The following CFHR1 variants were observed in gnomAD, a reference collection of about 807,000 sequenced individuals.
The protein encoded by CFHR1 is complement factor H-related protein 1.
Under a neutral mutation model 30.4 loss-of-function variants are expected in CFHR1, and 22 were observed. The ratio of observed to expected loss-of-function variants is 0.72; its 90% CI spans 0.52 to 1.03. CFHR1 has a LOEUF of 1.03. CFHR1 is among the 50% of genes least tolerant of loss of function. The probability of loss-of-function intolerance (pLI) is 0.00; values close to 1 mark genes in which losing one functional copy is unlikely to be tolerated. For synonymous variants in CFHR1, 95 were observed against 129.1 expected (o/e 0.74, Z 1.79); for missense variants, 248 against 380.6 (o/e 0.65, Z 2.90).
At position 196,830,414 on chromosome 1, in the gene CFHR1, A is replaced by C. The variant is rs760329384; in HGVS notation, c.608-86A>C. The C allele has an allele frequency of 7.0e-5, 94 of 1,349,204 alleles. 12 individuals are homozygous for C. The highest frequency in any genetic ancestry group is 7.2e-5 in the Non-Finnish European group (70 of 972,842). 83.6% of individuals were successfully genotyped at this position (1,349,204 alleles called of 1,614,324 possible). A position where few individuals can be genotyped will look rare whatever the true frequency, so the allele number is the denominator to read the frequency against. On this transcript the variant is annotated intron_variant, in intron 4 of 5. Coordinates refer to ENST00000320493, the MANE Select transcript of CFHR1 (RefSeq NM_002113.3). The stretch of plus-strand genomic sequence containing the variant: ...ATCACAAAACTGTTGATATTATATA[A>C]AGTGCTGTGTTTGTATTTGCCTTAT...
rs1293861737 is a variant in CFHR1 at position 196,830,722 on chromosome 1, T to C, written c.790+40T>C. 4 of 1,511,972 alleles carry C rather than the reference T, an allele frequency of 2.6e-6. 1 individual carries two copies. The highest frequency in any genetic ancestry group is 2.2e-5 in the East Asian group (1 of 44,568). 93.7% of individuals were successfully genotyped at this position (1,511,972 alleles called of 1,614,324 possible). A position where few individuals can be genotyped will look rare whatever the true frequency, so the allele number is the denominator to read the frequency against. On this transcript the variant is annotated intron_variant, in intron 5 of 5. Coordinates refer to ENST00000320493, the MANE Select transcript of CFHR1 (RefSeq NM_002113.3). ...ATTCACGTGGCTGGAAAAATCAGTG[T>C]GATGAGTCTGATATTTTGCTGTTGG...
chr1:196,823,644 C>T (rs1232465470), intron 1 of CFHR1, among the ~76,000 whole-genome samples: 1 of 135,714 alleles, frequency 7.4e-6, no homozygotes, highest in Non-Finnish European at 1.6e-5. Flanking sequence ...AATTTCTGCA[C>T]ACATCTTTCA....
At chr1:196,825,311 T>A in intron 1 of CFHR1, 166 bp from the exon 2 acceptor site, 1 of 471,082 alleles carries the variant, frequency 2.1e-6, no homozygotes, top group Non-Finnish European at 3.5e-6. Context: ...GTACTCCTAG[T>A]TAGTGATGCT....
intron 2 of CFHR1, among the ~76,000 whole-genome samples, chr1:196,826,344 T>C (rs1655320179): frequency 7.4e-6 from 1 of 135,038 alleles, no homozygotes; most frequent in South Asian, 2.6e-4. Flanking sequence ...AGCAAGAAAA[T>C]GAAATATTTT....
intron 5 of CFHR1, among the ~76,000 whole-genome samples, chr1:196,831,532 G>T (rs1227785012): frequency 1.5e-5 from 2 of 135,696 alleles, no homozygotes; most frequent in Non-Finnish European, 3.1e-5. Context: ...GTTCTAAAAT[G>T]CAGGGATCCT....
chr1:196,820,150 T>C (rs1053363690), intron 1 of CFHR1, among the ~76,000 whole-genome samples: 4 of 141,642 alleles, frequency 2.8e-5, no homozygotes, highest in Non-Finnish European at 6.0e-5. Flanking sequence ...AAAGAGGAAT[T>C]AAATGAGGGA....
At chr1:196,828,408 T>C (rs1418846983) in intron 4 of CFHR1, among the ~76,000 whole-genome samples, 162 bp downstream of exon 4, 1 of 133,370 alleles carries the variant, frequency 7.5e-6, no homozygotes, top group Non-Finnish European at 1.6e-5. Context: ...AGAACACAAG[T>C]AATAGGGTGT....
In CFHR1 at chr1:196,830,638, T is replaced by A. The variant is rs367678408; in HGVS notation, c.746T>A (p.Ile249Lys). 7.9e-6 allele frequency: 12 copies of A among 1,524,552 alleles called. 2 individuals carry two copies. Among genetic ancestry groups the A allele is most frequent in the Non-Finnish European group, 9.7e-6 (11 of 1,129,018 alleles). The allele number at this position is 1,524,552 out of a possible 1,614,324, so 94.4% of individuals were successfully genotyped here. Residue 249 changes from isoleucine to lysine, a missense_variant, in exon 5 of 6, where the codon ATA becomes AAA. Ile to Lys is a moderately radical substitution (Grantham distance 102). Coordinates refer to ENST00000320493, the MANE Select transcript of CFHR1 (RefSeq NM_002113.3). ...NLYQLEGNKRITCRNGQWSEP... is the reference protein window; with the variant it reads ...NLYQLEGNKRKTCRNGQWSEP... ...TATCAACTTGAGGGTAACAAGCGAA[T>A]AACATGTAGAAATGGACAATGGTCA...
chr1:196,824,304 C>T (rs12754859), intron 1 of CFHR1, among the ~76,000 whole-genome samples: 2,243 of 133,212 alleles, frequency 0.017, 357 homozygotes, highest in Non-Finnish European at 0.025. Flanking sequence ...CGCCCCCAGG[C>T]TCGAGTTTAG....
At chr1:196,829,470 T>C (rs1397642470) in intron 4 of CFHR1, among the ~76,000 whole-genome samples, 1 of 135,600 alleles carries the variant, frequency 7.4e-6, no homozygotes. Context: ...TATTTTAATT[T>C]GAAGAATTCC....
intron 1 of CFHR1, among the ~76,000 whole-genome samples, chr1:196,824,513 C>T (rs1655247767): frequency 7.6e-6 from 1 of 131,522 alleles, no homozygotes; most frequent in Non-Finnish European, 1.6e-5. Context: ...TCACCTCAGC[C>T]TCCCAAAGTG....
Position 196,831,684 on chromosome 1 carries a change from T to C in CFHR1, c.791-113T>C. 16 of 1,315,796 alleles carry C rather than the reference T, an allele frequency of 1.2e-5. 2 individuals are homozygous for C. The highest frequency in any genetic ancestry group is 1.7e-5 in the Non-Finnish European group (16 of 956,708). 81.5% of individuals were successfully genotyped at this position (1,315,796 alleles called of 1,614,324 possible). On this transcript the variant is annotated intron_variant, in intron 5 of 5. Coordinates refer to ENST00000320493, the MANE Select transcript of CFHR1 (RefSeq NM_002113.3). ...GTTTTTACATAGTCGGTTTGGACAGTGTTTTGAGAAATAATTCCTGAACCA... is the reference window on the plus strand; with the variant it reads ...GTTTTTACATAGTCGGTTTGGACAGCGTTTTGAGAAATAATTCCTGAACCA...
intron 1 of CFHR1, among the ~76,000 whole-genome samples, chr1:196,824,291 T>C (rs1281504397): frequency 7.5e-6 from 1 of 133,604 alleles, no homozygotes; most frequent in African/African-American, 3.2e-5. Context: ...AGTCTTGCTC[T>C]GTCGCCCCCA....
At chr1:196,822,706 T>G (rs1479989333) in intron 1 of CFHR1, among the ~76,000 whole-genome samples, 1 of 134,430 alleles carries the variant, frequency 7.4e-6, no homozygotes, top group Admixed American at 7.1e-5. Flanking sequence ...GAATAGTTCC[T>G]GAAGGACCTG....
At position 196,825,685 on chromosome 1, in the gene CFHR1, C is replaced by A. The variant is rs762401875; in HGVS notation, c.253+14C>A. 19 of 1,509,078 alleles carry A rather than the reference C, an allele frequency of 1.3e-5. 5 individuals carry two copies. The African/African-American group carries it at 2.3e-4, about 18-fold the overall frequency. 93.5% of individuals were successfully genotyped at this position (1,509,078 alleles called of 1,614,324 possible). A position where few individuals can be genotyped will look rare whatever the true frequency, so the allele number is the denominator to read the frequency against. On this transcript the variant is annotated intron_variant, in intron 2 of 5. Transcript: ENST00000320493. Reference sequence around the variant, plus strand: ...CAAAGTGTCTCAGTGAGTAAATGCTCTGTTCATTAAATGGATGTCATTCAG... The same window carrying A: ...CAAAGTGTCTCAGTGAGTAAATGCTATGTTCATTAAATGGATGTCATTCAG...
chr1:196,824,254 A>G (rs561045190), intron 1 of CFHR1, among the ~76,000 whole-genome samples: 5 of 97,182 alleles, frequency 5.1e-5, no homozygotes, highest in African/African-American at 2.9e-4. Context: ...AATTTATTTT[A>G]TTTTATTTTA....
At position 196,831,068 on chromosome 1, in the gene CFHR1, C is replaced by G. The variant is rs2336485; in HGVS notation, c.790+386C>G. Reference sequence around the variant, plus strand: ...AATGGCGGGAACCCGGGAGGCGGAGCTTGCAGTGAGCCGAGTTCGCGCCAC... The same window carrying G: ...AATGGCGGGAACCCGGGAGGCGGAGGTTGCAGTGAGCCGAGTTCGCGCCAC... On this transcript the variant is annotated intron_variant, in intron 5 of 5. Transcript: ENST00000320493. Among the ~76,000 whole-genome samples, 30 of 135,326 alleles carry G rather than the reference C, an allele frequency of 2.2e-4. 5 individuals are homozygous for G. The highest frequency in any genetic ancestry group is 3.9e-3 in the Middle Eastern group (1 of 258). 88.8% of individuals were successfully genotyped at this position (135,326 alleles called of 152,430 possible).
At position 196,825,884 on chromosome 1, in the gene CFHR1, G is replaced by A. The variant is rs409253; in HGVS notation, c.253+213G>A. 203,643 of 440,456 alleles carry A rather than the reference G, an allele frequency of 0.46. 59,863 individuals are homozygous for A. Among genetic ancestry groups the A allele is most frequent in the African/African-American group, 0.66 (25,118 of 37,790 alleles). The allele number at this position is 440,456 out of a possible 1,614,324, so 27.3% of individuals were successfully genotyped here. A position where few individuals can be genotyped will look rare whatever the true frequency, so the allele number is the denominator to read the frequency against. Reference sequence around the variant, plus strand: ...CTTGTGTTACCTGGAAATGCTCTACGTGTTGAAATATATTAATTTTTTTAA... The same window carrying A: ...CTTGTGTTACCTGGAAATGCTCTACATGTTGAAATATATTAATTTTTTTAA... On this transcript the variant is annotated intron_variant, in intron 2 of 5. Transcript: ENST00000320493.
chr1:196,827,347 A>C (rs1293414720), intron 3 of CFHR1, among the ~76,000 whole-genome samples: 2 of 135,704 alleles, frequency 1.5e-5, no homozygotes, highest in Non-Finnish European at 3.1e-5. Context: ...AGGGAATTCT[A>C]TGCACACTTC....
Sources: gnomAD v4.1 joint callset for allele counts (sites outside exome capture counted in the v4.1 genomes callset) on GRCh38, gnomAD v4.1.1 for gene constraint, MANE v1.5 for transcripts, NCBI Gene and HGNC (gene_info 2026-07-23, HGNC 2026-07-21) for gene names.